The following LHFPL2 variants were observed in gnomAD, a reference collection of about 807,000 sequenced individuals.
LHFPL2 encodes LHFPL tetraspan subfamily member 2 protein.
A neutral mutation model predicts 17.5 loss-of-function variants in LHFPL2; 7 were observed. The ratio of observed to expected loss-of-function variants is 0.40; its 90% CI spans 0.23 to 0.75. The LOEUF is 0.75. Ranked by LOEUF, LHFPL2 falls within the 30% of genes least tolerant of loss-of-function variation. LHFPL2 has a pLI of 0.37. For missense variants in LHFPL2, 241 were observed against 294.8 expected (o/e 0.82, Z 1.34); for synonymous variants, 134 against 116.2 (o/e 1.15, Z -0.99).
chr5:78,637,970 G>A (rs151107524), intron 1 of LHFPL2, among the ~76,000 whole-genome samples: 9 of 152,296 alleles, frequency 5.9e-5, no homozygotes, highest in Non-Finnish European at 1.2e-4. Context: ...CTCAAGTCTT[G>A]TCAGTGCTGG....
chr5:78,522,961 C>T (rs1171025107), intron 3 of LHFPL2, among the ~76,000 whole-genome samples: 2 of 152,140 alleles, frequency 1.3e-5, no homozygotes, highest in African/African-American at 4.8e-5. Flanking sequence ...TGACGTTTTT[C>T]TGCATCTGTT....
At chr5:78,536,574 C>A (rs974359023) in intron 3 of LHFPL2, among the ~76,000 whole-genome samples, 1 of 152,218 alleles carries the variant, frequency 6.6e-6, no homozygotes, top group African/African-American at 2.4e-5. Flanking sequence ...ATTTTTACCT[C>A]ACAGTTTCCA....
intron 3 of LHFPL2, among the ~76,000 whole-genome samples, chr5:78,524,819 T>C (rs1755570350): frequency 6.6e-6 from 1 of 152,196 alleles, no homozygotes; most frequent in Admixed American, 6.5e-5. Context: ...TGTTTTCTCT[T>C]TGGAAACAGT....
At chr5:78,582,938 A>T (rs1261743834) in intron 2 of LHFPL2, among the ~76,000 whole-genome samples, 1 of 151,878 alleles carries the variant, frequency 6.6e-6, no homozygotes, top group East Asian at 1.9e-4. Flanking sequence ...TTTGTAGGTC[A>T]CTCAGGACTT....
chr5:78,504,861 G>A (rs1238750565), intron 4 of LHFPL2, among the ~76,000 whole-genome samples: 8 of 152,230 alleles, frequency 5.3e-5, no homozygotes, highest in African/African-American at 1.7e-4. Context: ...TCAGACTGGT[G>A]GGGCAGCTTG....
At chr5:78,595,525 T>G (rs1027984712) in intron 2 of LHFPL2, among the ~76,000 whole-genome samples, 1 of 152,130 alleles carries the variant, frequency 6.6e-6, no homozygotes, top group South Asian at 2.1e-4. Context: ...CTTCCTTTCC[T>G]TTTTTTAGAC....
At chr5:78,555,668 C>T (rs1441159861) in intron 3 of LHFPL2, among the ~76,000 whole-genome samples, 2 of 152,236 alleles carry the variant, frequency 1.3e-5, no homozygotes, top group Non-Finnish European at 2.9e-5. Flanking sequence ...GTCAGTGGGA[C>T]ACCAGGGGAA....
chr5:78,629,041 C>T lies in LHFPL2; in HGVS notation c.-245+3223G>A, dbSNP rs1745156393. Among the ~76,000 whole-genome samples the T allele has an allele frequency of 2.6e-5, 4 of 152,162 alleles. No individual in the cohort carries two copies. In the South Asian group the frequency reaches 8.3e-4, roughly 32 times the overall value. The stretch of plus-strand genomic sequence containing the variant: ...TATAGGGAAAAGGGGGAAAAGGAAT[C>T]ATAGAACGCAGAATATTTACTCTTT... On this transcript the variant is annotated intron_variant, in intron 2 of 4. Transcript: ENST00000380345.
chr5:78,578,228 C>A (rs576696166), intron 2 of LHFPL2, among the ~76,000 whole-genome samples: 11 of 152,238 alleles, frequency 7.2e-5, no homozygotes, highest in Admixed American at 7.2e-4. Context: ...TAGGAAATGC[C>A]AGCACATTAT....
chr5:78,635,733 G>A (rs1196758305), intron 1 of LHFPL2, among the ~76,000 whole-genome samples: 1 of 152,210 alleles, frequency 6.6e-6, no homozygotes, highest in Non-Finnish European at 1.5e-5. Context: ...AACCCGGGAG[G>A]CAGAGCTTGC....
chr5:78,514,994 A>G (rs1755248495), intron 3 of LHFPL2, among the ~76,000 whole-genome samples: 1 of 152,202 alleles, frequency 6.6e-6, no homozygotes, highest in South Asian at 2.1e-4. Context: ...TCTGAAAATG[A>G]GTTGCAGATG....
chr5:78,516,163 G>A (rs777922806), intron 3 of LHFPL2, among the ~76,000 whole-genome samples: 33 of 152,088 alleles, frequency 2.2e-4, no homozygotes, highest in African/African-American at 2.4e-4. Flanking sequence ...TGGCCACCCC[G>A]TAAAACACAT....
At chr5:78,605,600 A>C (rs549475352) in intron 2 of LHFPL2, among the ~76,000 whole-genome samples, 1 of 152,346 alleles carries the variant, frequency 6.6e-6, no homozygotes, top group East Asian at 1.9e-4. Context: ...CTTCTAAGAT[A>C]AGTGAAATCA....
chr5:78,517,363 A>G (rs915180894), intron 3 of LHFPL2, among the ~76,000 whole-genome samples: 1 of 151,272 alleles, frequency 6.6e-6, no homozygotes, highest in African/African-American at 2.4e-5. Context: ...GCCAACTCCA[A>G]CTCCTCCTGT....
chr5:78,603,695 C>CA (rs11378732), intron 2 of LHFPL2, among the ~76,000 whole-genome samples: 152,354 of 152,354 alleles, frequency 1, 76,177 homozygotes, highest in Non-Finnish European at 1. Flanking sequence ...GCTTGGGAAA[C>CA]AAGCAAGACC....
At chr5:78,500,166 A>C (rs1754731104) in intron 4 of LHFPL2, among the ~76,000 whole-genome samples, 1 of 152,210 alleles carries the variant, frequency 6.6e-6, no homozygotes, top group Non-Finnish European at 1.5e-5. Context: ...CACATCCAAG[A>C]AAGCCATCTG....
chr5:78,552,998 G>A (rs1312383022), intron 3 of LHFPL2, among the ~76,000 whole-genome samples: 2 of 152,168 alleles, frequency 1.3e-5, no homozygotes, highest in Admixed American at 1.3e-4. Context: ...TCCTACGATG[G>A]CAGGATGTTT....
intron 2 of LHFPL2, among the ~76,000 whole-genome samples, chr5:78,566,246 C>G (rs1301177806): frequency 6.6e-6 from 1 of 152,170 alleles, no homozygotes; most frequent in Non-Finnish European, 1.5e-5. Context: ...CACTTATATG[C>G]AGGTAAGTAG....
chr5:78,643,286 C>G (rs1455973423), intron 1 of LHFPL2, among the ~76,000 whole-genome samples: 3 of 152,012 alleles, frequency 2.0e-5, no homozygotes, highest in Non-Finnish European at 4.4e-5. Flanking sequence ...AAAGAAAAAA[C>G]AAAACCTTGA....
Sources: gnomAD v4.1 joint callset for allele counts (sites outside exome capture counted in the v4.1 genomes callset) on GRCh38, gnomAD v4.1.1 for gene constraint, MANE v1.5 for transcripts, NCBI Gene and HGNC (gene_info 2026-07-23, HGNC 2026-07-21) for gene names.